Variants in STRN3 observed in about 807,000 individuals in gnomAD.
STRN3 encodes the protein striatin-3.
In STRN3, 29 loss-of-function variants were observed where a neutral mutation model predicts 95.6. That is an observed-to-expected ratio of 0.30 (90% CI 0.23 to 0.41). STRN3 has a LOEUF of 0.41. Among genes scored for constraint, STRN3 ranks in the 10% least tolerant of loss-of-function variants. The pLI, the probability that STRN3 is intolerant of heterozygous loss-of-function variation, is 1.00. For missense variants in STRN3, 890 were observed against 972.1 expected (o/e 0.92, Z 1.12); for synonymous variants, 331 against 357.6 (o/e 0.93, Z 0.84).
chr14:30,944,720 C>T (rs1255896027), intron 5 of STRN3, among the ~76,000 whole-genome samples: 2 of 150,190 alleles, frequency 1.3e-5, no homozygotes, highest in African/African-American at 4.9e-5. Context: ...CTGGTTCAAG[C>T]GATCCTCCCA....
Position 30,912,022 on chromosome 14 carries a change from G to A in STRN3, c.1535C>T (p.Thr512Ile), listed in dbSNP as rs1189027607. The A allele has an allele frequency of 6.2e-7, 1 of 1,608,744 alleles. No homozygotes were observed. Among genetic ancestry groups the A allele is most frequent in the Non-Finnish European group, 8.5e-7 (1 of 1,178,846 alleles). Residue 512 changes from threonine to isoleucine, a missense_variant, in exon 11 of 18, where the codon ACA (threonine) becomes ATA (isoleucine). Physicochemically the swap from Thr to Ile is moderately conservative, Grantham distance 89. This residue lies in a region of STRN3 where 357 missense variants were observed against 422.8 expected (regional missense o/e 0.84). Transcript: ENST00000357479. ...HTLKLWNLQK[T>I]VPAKKSASLD... is the part of the protein sequence containing the mutation. ...AAATACTTGCTTTTTGGCAGGAACT[G>A]TTTTTTGCAGGTTCCAAAGTTTCAG...
At chr14:30,984,686 G>A (rs1190873266) in intron 1 of STRN3, among the ~76,000 whole-genome samples, 1 of 151,870 alleles carries the variant, frequency 6.6e-6, no homozygotes, top group Non-Finnish European at 1.5e-5. Context: ...GCTGAGGCAG[G>A]AGAATCACTT....
chr14:30,944,537 ACATG>A (rs1879255186), intron 5 of STRN3, among the ~76,000 whole-genome samples: 1 of 139,294 alleles, frequency 7.2e-6, no homozygotes, highest in Admixed American at 7.3e-5. Flanking sequence ...ACATATATAT[ACATG>A]TATATATACA....
At chr14:30,905,965 G>T (rs368528713) in intron 14 of STRN3, among the ~76,000 whole-genome samples, 7 of 152,270 alleles carry the variant, frequency 4.6e-5, no homozygotes, top group African/African-American at 1.7e-4. Flanking sequence ...ACCTATCAGA[G>T]ATCTGTAGGC....
At chr14:31,004,982 G>C (rs1295839557) in intron 1 of STRN3, among the ~76,000 whole-genome samples, 1 of 152,090 alleles carries the variant, frequency 6.6e-6, no homozygotes, top group South Asian at 2.1e-4. Context: ...GTATTTAAAG[G>C]GAAAAAGTGG....
chr14:30,941,758 T>A (rs1879105478), intron 5 of STRN3, among the ~76,000 whole-genome samples: 1 of 152,154 alleles, frequency 6.6e-6, no homozygotes, highest in Non-Finnish European at 1.5e-5. Flanking sequence ...CCCTAGTAGC[T>A]GGGATTACAG....
intron 1 of STRN3, among the ~76,000 whole-genome samples, chr14:31,021,676 G>A (rs1373913616): frequency 2.0e-5 from 3 of 152,138 alleles, no homozygotes; most frequent in Admixed American, 6.5e-5. Flanking sequence ...AAAACAGAGC[G>A]GAAGCAAAAG....
chr14:30,944,572 C>CACGTATATATATATATATAT (rs1566449778), intron 5 of STRN3, among the ~76,000 whole-genome samples: 2 of 41,450 alleles, frequency 4.8e-5, no homozygotes, highest in African/African-American at 1.9e-4. Context: ...TATATATATA[C>CACGTATATATATATATATAT]ACACACAGAC....
intron 1 of STRN3, among the ~76,000 whole-genome samples, chr14:30,960,728 G>A (rs574132131): frequency 1.4e-3 from 207 of 152,074 alleles, no homozygotes; most frequent in African/African-American, 4.5e-3. Context: ...AATTAGCCGG[G>A]CGTGGTGGCG....
intron 14 of STRN3, 77 bp from the exon 15 acceptor site, chr14:30,905,635 T>C (rs1483925576): frequency 1.4e-5 from 21 of 1,482,910 alleles, no homozygotes; most frequent in Non-Finnish European, 1.8e-5. Context: ...AATCTCTGTT[T>C]TTCTAATCAG....
At chr14:30,900,412 A>G (rs1896275846) in intron 16 of STRN3, among the ~76,000 whole-genome samples, 1 of 105,438 alleles carries the variant, frequency 9.5e-6, no homozygotes, top group Non-Finnish European at 1.7e-5. Context: ...GACAACTCAT[A>G]GTTTCATGTA....
At chr14:31,003,521 G>C (rs1377191636) in intron 1 of STRN3, among the ~76,000 whole-genome samples, 1 of 151,968 alleles carries the variant, frequency 6.6e-6, no homozygotes, top group Non-Finnish European at 1.5e-5. Context: ...TTCTATGGAG[G>C]TGGCTAGCAA....
At chr14:30,897,322 T>C (rs1252592027) in intron 16 of STRN3, among the ~76,000 whole-genome samples, 1 of 152,190 alleles carries the variant, frequency 6.6e-6, no homozygotes, top group African/African-American at 2.4e-5. Context: ...TGGGGGATCA[T>C]GCCTGTAATC....
intron 1 of STRN3, among the ~76,000 whole-genome samples, chr14:30,996,522 T>G (rs1882203798): frequency 6.6e-6 from 1 of 152,162 alleles, no homozygotes; most frequent in Non-Finnish European, 1.5e-5. Flanking sequence ...AAAAGGCAGG[T>G]CAAGAACTGG....
chr14:30,953,411 T>C (rs1311947206), intron 3 of STRN3, among the ~76,000 whole-genome samples: 1 of 152,256 alleles, frequency 6.6e-6, no homozygotes, highest in Non-Finnish European at 1.5e-5. Flanking sequence ...TAAACCATGT[T>C]GTCACATTCA....
At chr14:30,918,088 C>T (rs967878197) in intron 9 of STRN3, among the ~76,000 whole-genome samples, 1 of 152,058 alleles carries the variant, frequency 6.6e-6, no homozygotes, top group East Asian at 1.9e-4. Flanking sequence ...CTGGTTTAGG[C>T]AAATTTTATA....
At chr14:30,947,001 C>G in intron 5 of STRN3, 89 bp downstream of exon 5, 224 of 666,802 alleles carry the variant, frequency 3.4e-4, no homozygotes, top group Non-Finnish European at 4.3e-4. Flanking sequence ...AAAAAAAGTT[C>G]TTAATGGCAG....
intron 1 of STRN3, among the ~76,000 whole-genome samples, chr14:30,971,864 A>G (rs1472360037): frequency 1.3e-5 from 2 of 152,180 alleles, no homozygotes; most frequent in African/African-American, 4.8e-5. Flanking sequence ...GTGCTGTGTC[A>G]TACCATGCAT....
intron 1 of STRN3, among the ~76,000 whole-genome samples, chr14:30,999,518 G>C (rs1359442578): frequency 6.6e-6 from 1 of 152,166 alleles, no homozygotes; most frequent in Non-Finnish European, 1.5e-5. Context: ...GAATTGGGAA[G>C]TACAGAAACT....
Sources: allele counts gnomAD v4.1 joint callset (sites outside exome capture counted in the v4.1 genomes callset), GRCh38; gene constraint gnomAD v4.1.1; regional missense constraint gnomAD v4.1.1; transcripts MANE v1.5; gene names NCBI Gene and HGNC (gene_info 2026-07-23, HGNC 2026-07-21).